Variants in UBE3A observed in about 807,000 individuals in gnomAD.
The protein encoded by UBE3A is ubiquitin-protein ligase E3A.
A neutral mutation model predicts 83.4 loss-of-function variants in UBE3A; 6 were observed. The observed-to-expected ratio is 0.07, with a 90% CI of 0.04 to 0.14. The LOEUF (loss-of-function observed/expected upper bound fraction) is 0.14. Among genes scored for constraint, UBE3A ranks in the 10% least tolerant of loss-of-function variants. The pLI is 1.00. For missense variants in UBE3A, 456 were observed against 1,036.1 expected, an observed-to-expected ratio of 0.44 and a Z score of 7.69; for synonymous variants, 337 against 355.4, an observed-to-expected ratio of 0.95 and a Z score of 0.58.
intron 4 of UBE3A, among the ~76,000 whole-genome samples, chr15:25,379,747 CAT>C (rs2081864316): frequency 6.6e-6 from 1 of 152,134 alleles, no homozygotes; most frequent in Non-Finnish European, 1.5e-5. Flanking sequence ...GTCACCAAAT[CAT>C]AGCTCGTAAG....
At chr15:25,409,322 G>T in intron 2 of UBE3A, 115 bp from the exon 3 acceptor site, 1 of 435,998 alleles carries the variant, frequency 2.3e-6, no homozygotes. Flanking sequence ...TTCATCAGAA[G>T]AGTAATTATT....
At chr15:25,344,178 T>G (rs1405845087) in intron 11 of UBE3A, among the ~76,000 whole-genome samples, 1 of 152,156 alleles carries the variant, frequency 6.6e-6, no homozygotes, top group East Asian at 1.9e-4. Flanking sequence ...ACTGTGACAT[T>G]AGTACTAACA....
intron 4 of UBE3A, among the ~76,000 whole-genome samples, chr15:25,384,733 T>C (rs2082806250): frequency 6.6e-6 from 1 of 152,040 alleles, no homozygotes; most frequent in Non-Finnish European, 1.5e-5. Context: ...AAAACAAAGC[T>C]AGAGGCCTCA....
chr15:25,421,933 C>T (rs1209107523), intron 1 of UBE3A: 2 of 152,040 alleles, frequency 1.3e-5, no homozygotes, highest in African/African-American at 2.4e-5. Context: ...TACCATGTGA[C>T]CCAGTAATTC....
intron 6 of UBE3A, among the ~76,000 whole-genome samples, chr15:25,366,718 T>C (rs2079157600): frequency 6.6e-6 from 1 of 152,068 alleles, no homozygotes; most frequent in African/African-American, 2.4e-5. Flanking sequence ...ATAAACATAC[T>C]TGTATATCAA....
At chr15:25,436,749 T>C (rs1895212398) in intron 1 of UBE3A, among the ~76,000 whole-genome samples, 1 of 152,136 alleles carries the variant, frequency 6.6e-6, no homozygotes, top group Non-Finnish European at 1.5e-5. Flanking sequence ...GAAGTTATTT[T>C]TTCAGCCATG....
chr15:25,402,623 G>A (rs1169556464), intron 4 of UBE3A, among the ~76,000 whole-genome samples: 1 of 152,172 alleles, frequency 6.6e-6, no homozygotes. Flanking sequence ...GCCTAGCATT[G>A]AGTTTTACTG....
intron 6 of UBE3A, among the ~76,000 whole-genome samples, chr15:25,360,767 G>A (rs2077939306): frequency 6.6e-6 from 1 of 152,138 alleles, no homozygotes; most frequent in South Asian, 2.1e-4. Flanking sequence ...TTACTGATTT[G>A]TTATGAAATT....
At chr15:25,407,360 T>G (rs1054397928) in intron 3 of UBE3A, 1 of 779,334 alleles carries the variant, frequency 1.3e-6, no homozygotes, top group East Asian at 1.2e-4. Flanking sequence ...AATGAGGACA[T>G]GATGATAGGA....
At chr15:25,340,689 G>C (rs559121572) in intron 11 of UBE3A, among the ~76,000 whole-genome samples, 2 of 151,918 alleles carry the variant, frequency 1.3e-5, no homozygotes, top group African/African-American at 4.8e-5. Flanking sequence ...AACTTTGGGA[G>C]GAAAAAGTGA....
At chr15:25,426,930 C>T (rs1228653707) in intron 1 of UBE3A, among the ~76,000 whole-genome samples, 4 of 151,908 alleles carry the variant, frequency 2.6e-5, no homozygotes, top group Non-Finnish European at 4.4e-5. Flanking sequence ...GCAATCCCCC[C>T]ACCTCAGCCT....
At chr15:25,409,265 G>T (rs1232190850) in intron 2 of UBE3A, 58 bp from the exon 3 acceptor site, 2 of 518,700 alleles carry the variant, frequency 3.9e-6, no homozygotes, top group Non-Finnish European at 6.8e-6. Flanking sequence ...CCAATTCATT[G>T]TTCAAAAAAT....
At chr15:25,404,522 T>G (rs549955057) in intron 4 of UBE3A, among the ~76,000 whole-genome samples, 3 of 152,342 alleles carry the variant, frequency 2.0e-5, no homozygotes, top group East Asian at 3.9e-4. Context: ...ACTTACTTCA[T>G]GTCCTAAATA....
intron 6 of UBE3A, among the ~76,000 whole-genome samples, chr15:25,360,784 C>G (rs1033776010): frequency 4.0e-5 from 6 of 151,856 alleles, no homozygotes; most frequent in African/African-American, 1.5e-4. Context: ...AATTAACATA[C>G]AATTAATTAA....
chr15:25,339,060 G>A lies in UBE3A; in HGVS notation c.*77C>T, dbSNP rs531278760. 1.4e-4 allele frequency: 203 copies of A among 1,424,014 alleles called. No individual in the cohort carries two copies. Among genetic ancestry groups the A allele is most frequent in the African/African-American group, 1.0e-3 (72 of 68,806 alleles). 88.2% of individuals were successfully genotyped at this position (1,424,014 alleles called of 1,614,324 possible). The stretch of plus-strand genomic sequence containing the variant: ...TATCACCACCAAAAATTTATCCCTC[G>A]TTATATTTTTAAAATTTTTTAAATT... On this transcript the variant is annotated 3_prime_UTR_variant, in exon 13 of 13. Coordinates refer to ENST00000648336, the MANE Select transcript of UBE3A (RefSeq NM_130839.5).
chr15:25,436,955 G>A (rs1323800235), intron 1 of UBE3A, among the ~76,000 whole-genome samples: 3 of 152,124 alleles, frequency 2.0e-5, no homozygotes, highest in Non-Finnish European at 2.9e-5. Flanking sequence ...AGTAAGACTA[G>A]CATAGTTTAC....
intron 4 of UBE3A, among the ~76,000 whole-genome samples, chr15:25,403,236 C>A (rs2087615103): frequency 6.6e-6 from 1 of 152,218 alleles, no homozygotes; most frequent in African/African-American, 2.4e-5. Context: ...GGTAGCCAGC[C>A]AGTCAAGACT....
rs1320500789 is a variant in UBE3A at position 25,337,181 on chromosome 15, G to A, written c.*1956C>T. The stretch of plus-strand genomic sequence containing the variant: ...ACTTTAAAACTTGTCATATGGATAC[G>A]TTATTACAATTGTAGAACTTTAATA... On this transcript the variant is annotated 3_prime_UTR_variant, in exon 13 of 13. Transcript: ENST00000648336. 4.6e-5 allele frequency: 7 copies of A among 152,036 alleles called. No individual in the cohort carries two copies. The highest frequency in any genetic ancestry group is 7.2e-5 in the African/African-American group (3 of 41,384). 9.4% of individuals were successfully genotyped at this position (152,036 alleles called of 1,614,324 possible).
At chr15:25,418,553 T>A (rs138411099) in intron 1 of UBE3A, 8 of 151,344 alleles carry the variant, frequency 5.3e-5, no homozygotes, top group African/African-American at 1.9e-4. Flanking sequence ...CTGCGCAAGC[T>A]AAACTAAGAT....
Sources: allele counts gnomAD v4.1 joint callset (sites outside exome capture counted in the v4.1 genomes callset), GRCh38; gene constraint gnomAD v4.1.1; transcripts MANE v1.5; gene names NCBI Gene and HGNC (gene_info 2026-07-23, HGNC 2026-07-21).